The following SPG11 variants were observed in gnomAD, a reference collection of about 807,000 sequenced individuals.
SPG11 encodes SPG11 vesicle trafficking associated, spatacsin.
Under a neutral mutation model 274.0 loss-of-function variants are expected in SPG11, and 222 were observed. That is an observed-to-expected ratio of 0.81 (90% CI 0.73 to 0.91). The LOEUF (loss-of-function observed/expected upper bound fraction) is 0.91, where lower values mean the gene tolerates loss of function less well. Ranked by LOEUF, SPG11 falls within the 40% of genes least tolerant of loss-of-function variation. The pLI, the probability that SPG11 is intolerant of heterozygous loss-of-function variation, is 0.00. For synonymous variants in SPG11, 1,144 were observed against 1,039.7 expected, an observed-to-expected ratio of 1.10 and a Z score of -1.93; for missense variants, 3,114 against 2,872.7, an observed-to-expected ratio of 1.08 and a Z score of -1.92.
Position 44,562,849 on chromosome 15 carries a change from TAGA to T in SPG11, c.*269_*271del. 1 of 405,906 alleles carries T rather than the reference TAGA, an allele frequency of 2.5e-6. No homozygotes were observed. 25.1% of individuals were successfully genotyped at this position (405,906 alleles called of 1,614,324 possible). A position where few individuals can be genotyped will look rare whatever the true frequency, so the allele number is the denominator to read the frequency against. On this transcript the variant is annotated 3_prime_UTR_variant, in exon 40 of 40. Transcript: ENST00000261866. ...TTAATCATTATTGGATCATCTAAAG[TAGA>T]AGCTGTCCTGAGGAAGAGGAAGCTT...
rs867604204 is a variant in SPG11 at position 44,620,083 on chromosome 15, A to T, written c.2834+107T>A. 5.8e-5 allele frequency: 52 copies of T among 901,198 alleles called. 1 individual carries two copies. In the South Asian group the frequency reaches 7.1e-4, roughly 12 times the overall value. 55.8% of individuals were successfully genotyped at this position (901,198 alleles called of 1,614,324 possible). On this transcript the variant is annotated intron_variant, in intron 15 of 39. Transcript: ENST00000261866. ...TTAAATTTTATAGTAATATGAAACA[A>T]CACTACACTGGATTTATGGCATTTC...
chr15:44,573,846 G>C (rs553982566), intron 31 of SPG11, 101 bp from the exon 32 acceptor site: 5 of 1,078,730 alleles, frequency 4.6e-6, no homozygotes, highest in Admixed American at 1.9e-5. Context: ...ACTGTATTCT[G>C]AGCTTACAGA....
At chr15:44,576,329 A>T (rs2082538151) in intron 30 of SPG11, among the ~76,000 whole-genome samples, 2 of 151,964 alleles carry the variant, frequency 1.3e-5, no homozygotes, top group Non-Finnish European at 2.9e-5. Context: ...ACATCTGTAC[A>T]GTGGAATACT....
chr15:44,574,306 ATT>A (rs2082488791), intron 31 of SPG11, among the ~76,000 whole-genome samples: 1 of 152,176 alleles, frequency 6.6e-6, no homozygotes, highest in Non-Finnish European at 1.5e-5. Context: ...GCCCAGCCTG[ATT>A]TTTAAAAATA....
chr15:44,566,070 A>G, intron 37 of SPG11, 61 bp from the exon 38 acceptor site: 1 of 1,605,008 alleles, frequency 6.2e-7, no homozygotes, highest in South Asian at 1.1e-5. Flanking sequence ...TCCTGTGTGA[A>G]CCCTCACAAC....
chr15:44,605,978 GT>G, intron 20 of SPG11, 46 bp downstream of exon 20: 1 of 1,498,612 alleles, frequency 6.7e-7, no homozygotes, highest in Non-Finnish European at 9.3e-7. Context: ...AACTTCTGTA[GT>G]TAACACTGCT....
intron 30 of SPG11, among the ~76,000 whole-genome samples, chr15:44,582,333 AGG>A (rs2082672912): frequency 6.6e-6 from 1 of 152,216 alleles, no homozygotes; most frequent in Non-Finnish European, 1.5e-5. Context: ...GGATCACTTG[AGG>A]TAAGGAGTTC....
intron 21 of SPG11, 40 bp from the exon 22 acceptor site, chr15:44,598,876 AATT>A: frequency 1.9e-6 from 3 of 1,587,354 alleles, no homozygotes; most frequent in Non-Finnish European, 2.6e-6. Flanking sequence ...AGCACATGAA[AATT>A]ATGTCTCACC....
chr15:44,587,558 T>C (rs2082793728), intron 28 of SPG11, among the ~76,000 whole-genome samples: 1 of 151,826 alleles, frequency 6.6e-6, no homozygotes, highest in African/African-American at 2.4e-5. Context: ...GGTGTGGTGG[T>C]GTGTGCCTGT....
chr15:44,655,917 G>A (rs1181864417), intron 4 of SPG11, among the ~76,000 whole-genome samples: 1 of 152,204 alleles, frequency 6.6e-6, no homozygotes, highest in Non-Finnish European at 1.5e-5. Flanking sequence ...TTATGTGAAT[G>A]TAGTCTTTCT....
chr15:44,598,542 C>T, intron 22 of SPG11, 89 bp downstream of exon 22: 2 of 1,382,950 alleles, frequency 1.4e-6, no homozygotes, highest in Non-Finnish European at 2.1e-6. Flanking sequence ...AAGAAGATAA[C>T]CATTTTCTCC....
chr15:44,635,743 C>T (rs1027411728), intron 7 of SPG11, among the ~76,000 whole-genome samples: 3 of 149,726 alleles, frequency 2.0e-5, no homozygotes, highest in African/African-American at 7.4e-5. Flanking sequence ...ATAGTAAAAC[C>T]CTGTCTTTAC....
intron 6 of SPG11, among the ~76,000 whole-genome samples, chr15:44,650,480 G>A (rs764097370): frequency 3.9e-5 from 6 of 152,020 alleles, no homozygotes; most frequent in South Asian, 4.2e-4. Flanking sequence ...AGAGCGAGAC[G>A]TCGTCTCTAC....
At chr15:44,589,206 G>C (rs1328138285) in intron 28 of SPG11, 46 bp downstream of exon 28, 2 of 1,602,014 alleles carry the variant, frequency 1.2e-6, no homozygotes, top group Non-Finnish European at 1.7e-6. Context: ...TCAAGATTAA[G>C]AAAGCTAACT....
chr15:44,632,620 C>T (rs896543255), intron 8 of SPG11, among the ~76,000 whole-genome samples: 2 of 151,838 alleles, frequency 1.3e-5, no homozygotes, highest in African/African-American at 4.8e-5. Context: ...AAGCAATCCT[C>T]AGCCTCAGCC....
chr15:44,651,113 T>C (rs1215750560), intron 6 of SPG11, among the ~76,000 whole-genome samples: 1 of 152,176 alleles, frequency 6.6e-6, no homozygotes, highest in Non-Finnish European at 1.5e-5. Context: ...ATTCTGAATG[T>C]TTATAATCTT....
At position 44,648,953 on chromosome 15, in the gene SPG11, G is replaced by A. The variant is rs148556593; in HGVS notation, c.1515C>T (p.Leu505=). ...GLTQEEFLNR[L]MIHGSASTVD... ...CAGTGCTGGCACTTCCATGGATCAT[G>A]AGTCTGTTTAAAAACTCTTCTTGAG... The change falls in exon 7 of 40, where the codon CTC becomes CTT. Residue 505 remains leucine, a synonymous_variant. Transcript: ENST00000261866. 3 of 1,613,848 alleles carry A rather than the reference G, an allele frequency of 1.9e-6. No homozygotes were observed. The highest frequency in any genetic ancestry group is 2.7e-5 in the African/African-American group (2 of 74,914).
chr15:44,659,265 T>C lies in SPG11; in HGVS notation c.481A>G (p.Asn161Asp). ...LLSLRILSFH[N>D]NTSLLFINKC... ...TTGATGAACAGTAATGATGTGTTAT[T>C]GTGAAATGACAGGATTCTCAAAGAC... The change falls in exon 3 of 40, where the codon AAT (asparagine) becomes GAT (aspartate). Residue 161 changes from asparagine to aspartate, a missense_variant. Coordinates refer to ENST00000261866, the MANE Select transcript of SPG11 (RefSeq NM_025137.4). The C allele has an allele frequency of 6.2e-7, 1 of 1,614,104 alleles. No individual in the cohort carries two copies. Among genetic ancestry groups the C allele is most frequent in the South Asian group, 1.1e-5 (1 of 91,088 alleles).
At chr15:44,656,404 G>A (rs921351430) in intron 4 of SPG11, among the ~76,000 whole-genome samples, 1 of 152,218 alleles carries the variant, frequency 6.6e-6, no homozygotes, top group African/African-American at 2.4e-5. Context: ...CAAGAGTTTA[G>A]AGTACATGCA....
Sources: allele counts gnomAD v4.1 joint callset (sites outside exome capture counted in the v4.1 genomes callset), GRCh38; gene constraint gnomAD v4.1.1; transcripts MANE v1.5; gene names NCBI Gene and HGNC (gene_info 2026-07-23, HGNC 2026-07-21).